The following CUL3 variants were observed in gnomAD, a reference collection of about 807,000 sequenced individuals.
CUL3 encodes cullin 3.
CUL3 carries 19 observed loss-of-function variants against 89.1 expected under a neutral mutation model. The ratio of observed to expected loss-of-function variants is 0.21; its 90% CI spans 0.15 to 0.31. The LOEUF is 0.31. Among genes scored for constraint, CUL3 ranks in the 10% least tolerant of loss-of-function variants. The probability of loss-of-function intolerance (pLI) is 1.00; values close to 1 mark genes in which losing one functional copy is unlikely to be tolerated. For missense variants in CUL3, 469 were observed against 942.3 expected (o/e 0.50, Z 6.58); for synonymous variants, 351 against 308.4 (o/e 1.14, Z -1.45).
At position 224,585,259 on chromosome 2, in the gene CUL3, G is replaced by C. The variant is rs1201857369; in HGVS notation, c.-250C>G. ...CTGCGCTGGCGCGGCGGCTCCGCGG[G>C]GTCCCCCTCACGTCCGGCTCGGCTC... On this transcript the variant is annotated 5_prime_UTR_variant, in exon 1 of 16. Transcript: ENST00000264414. 2.5e-6 allele frequency: 1 copy of C among 396,630 alleles called. No homozygotes were observed. Among genetic ancestry groups the C allele is most frequent in the South Asian group, 1.3e-4 (1 of 7,842 alleles). 24.6% of individuals were successfully genotyped at this position (396,630 alleles called of 1,614,324 possible).
chr2:224,540,782 T>C (rs1403686502), intron 2 of CUL3, among the ~76,000 whole-genome samples: 3 of 152,318 alleles, frequency 2.0e-5, no homozygotes, highest in Admixed American at 6.5e-5. Flanking sequence ...GCTGCACCTA[T>C]TGACTCATCC....
intron 14 of CUL3, among the ~76,000 whole-genome samples, chr2:224,481,120 CA>C (rs903617523): frequency 6.6e-6 from 1 of 152,048 alleles, no homozygotes; most frequent in African/African-American, 2.4e-5. Flanking sequence ...ATATAAATAA[CA>C]TTTTTTTAAA....
rs149783260 is a variant in CUL3 at position 224,499,769 on chromosome 2, G to A, written c.1610+594C>T. ...AAGTGTCCACCTTAGGCTGCTCGAT[G>A]AAGGGGGTGATACACTCATCTTCAT... On this transcript the variant is annotated intron_variant, in intron 11 of 15. Transcript: ENST00000264414. 667 of 211,952 alleles carry A rather than the reference G, an allele frequency of 3.1e-3. 2 individuals are homozygous for A. Among genetic ancestry groups the A allele is most frequent in the Admixed American group, 7.1e-3 (166 of 23,446 alleles). 13.1% of individuals were successfully genotyped at this position (211,952 alleles called of 1,614,324 possible).
At chr2:224,500,626 T>A (rs1692347697) in intron 10 of CUL3, 139 bp from the exon 11 acceptor site, 2 of 706,290 alleles carry the variant, frequency 2.8e-6, no homozygotes, top group Non-Finnish European at 4.1e-6. Flanking sequence ...GATTTTCTTT[T>A]CTTTTTTTTT....
intron 13 of CUL3, among the ~76,000 whole-genome samples, chr2:224,486,947 G>A (rs893149766): frequency 8.6e-5 from 13 of 151,286 alleles, no homozygotes; most frequent in African/African-American, 3.2e-4. Context: ...AGAAGAGAGT[G>A]GGGGGGGCCA....
At chr2:224,478,542 G>T in intron 14 of CUL3, 197 bp from the exon 15 acceptor site, 2 of 427,884 alleles carry the variant, frequency 4.7e-6, no homozygotes, top group African/African-American at 2.0e-5. Context: ...TCAAAAATGA[G>T]GAATTTAACT....
intron 2 of CUL3, among the ~76,000 whole-genome samples, chr2:224,536,881 T>C (rs1316731295): frequency 2.0e-5 from 3 of 152,204 alleles, no homozygotes; most frequent in Non-Finnish European, 4.4e-5. Flanking sequence ...TCGTCGTGTG[T>C]TTGTCTCCAA....
intron 3 of CUL3, among the ~76,000 whole-genome samples, chr2:224,518,822 G>C (rs1011911570): frequency 5.3e-5 from 8 of 151,944 alleles, no homozygotes; most frequent in African/African-American, 1.9e-4. Flanking sequence ...ATTTGCTATC[G>C]GTCTCCCATG....
At chr2:224,549,823 G>C (rs933340139) in intron 2 of CUL3, among the ~76,000 whole-genome samples, 3 of 151,912 alleles carry the variant, frequency 2.0e-5, no homozygotes, top group Admixed American at 2.0e-4. Flanking sequence ...ATTTAAAACC[G>C]TGCTTTAGTA....
At chr2:224,495,597 T>G (rs1370045266) in intron 13 of CUL3, 1 of 298,012 alleles carries the variant, frequency 3.4e-6, no homozygotes, top group Non-Finnish European at 6.2e-6. Flanking sequence ...ACTCATCAAA[T>G]TGTCTACTTA....
chr2:224,547,018 T>C (rs1319401390), intron 2 of CUL3, among the ~76,000 whole-genome samples: 2 of 152,066 alleles, frequency 1.3e-5, no homozygotes, highest in African/African-American at 4.8e-5. Flanking sequence ...GTCACCACCA[T>C]CCCAAAAAGC....
intron 1 of CUL3, among the ~76,000 whole-genome samples, chr2:224,573,207 A>G (rs1695222840): frequency 1.3e-5 from 2 of 152,340 alleles, no homozygotes; most frequent in Admixed American, 1.3e-4. Flanking sequence ...ACAAAAAATC[A>G]AAAATCAAAG....
At chr2:224,569,814 A>G in intron 1 of CUL3, 1 of 1,086,638 alleles carries the variant, frequency 9.2e-7, no homozygotes. Flanking sequence ...TCCTCTGTGA[A>G]TAATTTTCTA....
At chr2:224,496,626 A>G (rs1258654340) in intron 12 of CUL3, among the ~76,000 whole-genome samples, 6 of 152,136 alleles carry the variant, frequency 3.9e-5, no homozygotes, top group Non-Finnish European at 8.8e-5. Context: ...TACTACCACC[A>G]AAAGTAACAG....
chr2:224,566,456 T>C (rs1348725941), intron 1 of CUL3, among the ~76,000 whole-genome samples: 11 of 152,234 alleles, frequency 7.2e-5, no homozygotes, highest in Non-Finnish European at 1.5e-4. Context: ...TACACCCTAG[T>C]ATGTGCTTCT....
rs376478407 is a variant in CUL3 at position 224,568,880 on chromosome 2, C to G, written c.67-11024G>C. Among the ~76,000 whole-genome samples the G allele has an allele frequency of 2.2e-3, 329 of 152,310 alleles. 4 individuals are homozygous for G. Among genetic ancestry groups the G allele is most frequent in the African/African-American group, 7.1e-3 (296 of 41,564 alleles). ...TCGGGTCTTGGCATCAAATGCACGTCAACATCCTTGGCAAAATAATTATGT... is the reference window on the plus strand; with the variant it reads ...TCGGGTCTTGGCATCAAATGCACGTGAACATCCTTGGCAAAATAATTATGT... On this transcript the variant is annotated intron_variant, in intron 1 of 15. Transcript: ENST00000264414.
At chr2:224,584,786 C>A (rs1035260605) in intron 1 of CUL3, among the ~76,000 whole-genome samples, 158 bp downstream of exon 1, 53 of 146,726 alleles carry the variant, frequency 3.6e-4, no homozygotes, top group Non-Finnish European at 6.4e-4. Context: ...GGGCCCCGCG[C>A]CGCCCGGTTG....
rs1026736562 is a variant in CUL3 at position 224,572,942 on chromosome 2, T to C, written c.66+12002A>G. Among the ~76,000 whole-genome samples, 4 of 152,300 alleles carry C rather than the reference T, an allele frequency of 2.6e-5. No homozygotes were observed. The South Asian group carries it at 8.3e-4, about 32-fold the overall frequency. On this transcript the variant is annotated intron_variant, in intron 1 of 15. Coordinates refer to ENST00000264414, the MANE Select transcript of CUL3 (RefSeq NM_003590.5). ...AAATGCATTTCTGTTCTTTATAAAT[T>C]ACTCAGTCTGCAGGATTTTGTTATA...
chr2:224,553,717 C>T (rs1694601708), intron 2 of CUL3, among the ~76,000 whole-genome samples: 1 of 152,062 alleles, frequency 6.6e-6, no homozygotes, highest in Admixed American at 6.5e-5. Context: ...CCCTCCCTGC[C>T]CTGTGAAGAC....
Sources: gnomAD v4.1 joint callset for allele counts (sites outside exome capture counted in the v4.1 genomes callset) on GRCh38, gnomAD v4.1.1 for gene constraint, MANE v1.5 for transcripts, NCBI Gene and HGNC (gene_info 2026-07-23, HGNC 2026-07-21) for gene names.